CDH18: variants seen among roughly 807,000 people sequenced by gnomAD.
CDH18 encodes the protein cadherin-18.
Under a neutral mutation model 67.9 loss-of-function variants are expected in CDH18, and 31 were observed. The ratio of observed to expected loss-of-function variants is 0.46; its 90% CI spans 0.34 to 0.62. CDH18 has a LOEUF of 0.62. CDH18 is among the 20% of genes least tolerant of loss of function. The pLI is 0.01. For missense variants in CDH18, 890 were observed against 975.5 expected (o/e 0.91, Z 1.17); for synonymous variants, 362 against 347.2 (o/e 1.04, Z -0.48).
At chr5:19,541,679 T>C (rs944051761) in intron 9 of CDH18, among the ~76,000 whole-genome samples, 2 of 152,048 alleles carry the variant, frequency 1.3e-5, no homozygotes, top group African/African-American at 4.8e-5. Flanking sequence ...TATAAAACCA[T>C]CAGATCTCCT....
intron 1 of CDH18, among the ~76,000 whole-genome samples, chr5:20,567,397 C>G (rs1380798953): frequency 2.7e-5 from 4 of 150,770 alleles, no homozygotes; most frequent in African/African-American, 9.7e-5. Context: ...ATGACAGCTA[C>G]TTATTGAGAA....
At chr5:20,473,023 A>C (rs1752194274) in intron 1 of CDH18, among the ~76,000 whole-genome samples, 1 of 152,162 alleles carries the variant, frequency 6.6e-6, no homozygotes, top group South Asian at 2.1e-4. Flanking sequence ...AATCCATACA[A>C]TGGTTATGAG....
At chr5:20,288,322 G>A (rs1266992025) in intron 1 of CDH18, among the ~76,000 whole-genome samples, 1 of 151,618 alleles carries the variant, frequency 6.6e-6, no homozygotes, top group Non-Finnish European at 1.5e-5. Context: ...GGTGAGAAAG[G>A]TTTAGTTGGA....
chr5:19,740,227 T>C (rs115214774), intron 4 of CDH18, among the ~76,000 whole-genome samples: 2,285 of 151,402 alleles, frequency 0.015, 52 homozygotes, highest in African/African-American at 0.054. Flanking sequence ...TGGTATTTAA[T>C]GATAGGTATA....
chr5:20,148,115 A>G (rs142447553), intron 2 of CDH18, among the ~76,000 whole-genome samples: 1,749 of 150,428 alleles, frequency 0.012, 30 homozygotes, highest in African/African-American at 0.041. Context: ...TTTTTGAGAC[A>G]GAGTCTCGCT....
chr5:19,563,798 T>C (rs757173986), intron 8 of CDH18, among the ~76,000 whole-genome samples: 25 of 152,280 alleles, frequency 1.6e-4, no homozygotes, highest in Admixed American at 3.9e-4. Context: ...ATTAACACTA[T>C]ATTAATGAAT....
rs116141089 is a variant in CDH18 at position 20,365,819 on chromosome 5, T to C, written c.-579-110314A>G. ...TTTCATTTTTTATTTATCTGTCTTA[T>C]TAAAACTATACTTTGCTTTCTTCCA... On this transcript the variant is annotated intron_variant, in intron 1 of 14. Transcript: ENST00000507958. Among the ~76,000 whole-genome samples, 1,349 of 152,258 alleles carry C rather than the reference T, an allele frequency of 8.9e-3. 16 individuals carry two copies. The highest frequency in any genetic ancestry group is 0.041 in the South Asian group (198 of 4,830).
At chr5:20,055,987 TTCC>T (rs1741864780) in intron 2 of CDH18, among the ~76,000 whole-genome samples, 1 of 145,930 alleles carries the variant, frequency 6.9e-6, no homozygotes, top group Non-Finnish European at 1.5e-5. Context: ...TCCTTTTGGT[TTCC>T]TTTTTTTTTT....
At chr5:19,484,697 C>G (rs537742861) in intron 11 of CDH18, among the ~76,000 whole-genome samples, 1 of 152,210 alleles carries the variant, frequency 6.6e-6, no homozygotes, top group Non-Finnish European at 1.5e-5. Flanking sequence ...ACAACTTTAG[C>G]TCCAGAGCTT....
chr5:20,229,110 GGA>G (rs1741867564), intron 2 of CDH18, among the ~76,000 whole-genome samples: 1 of 151,998 alleles, frequency 6.6e-6, no homozygotes, highest in Non-Finnish European at 1.5e-5. Context: ...AGCAAAAATA[GGA>G]GAGAGAATAA....
intron 2 of CDH18, among the ~76,000 whole-genome samples, chr5:20,191,358 C>A (rs1468067473): frequency 6.6e-6 from 1 of 151,982 alleles, no homozygotes; most frequent in East Asian, 1.9e-4. Context: ...GACCTTTATG[C>A]CGATAAAATG....
chr5:20,391,197 T>A (rs1021101117), intron 1 of CDH18, among the ~76,000 whole-genome samples: 8 of 152,030 alleles, frequency 5.3e-5, no homozygotes, highest in Admixed American at 1.3e-4. Context: ...GTATATAACA[T>A]AAAGATATAT....
chr5:19,733,649 G>A (rs902977497), intron 4 of CDH18, among the ~76,000 whole-genome samples: 21 of 152,246 alleles, frequency 1.4e-4, no homozygotes, highest in Middle Eastern at 3.4e-3. Flanking sequence ...CAGCCGCCTC[G>A]TATGACAGAA....
chr5:19,804,026 C>G (rs1475167837), intron 3 of CDH18: 4 of 150,994 alleles, frequency 2.6e-5, no homozygotes, highest in African/African-American at 9.8e-5. Flanking sequence ...GAGGCTGAGG[C>G]AGGAGAATGG....
At chr5:20,245,308 A>G (rs1019791402) in intron 2 of CDH18, among the ~76,000 whole-genome samples, 2 of 152,154 alleles carry the variant, frequency 1.3e-5, no homozygotes, top group Admixed American at 6.6e-5. Context: ...AATCATTTTT[A>G]TATCCCCATA....
chr5:20,402,113 A>AT (rs1450668354), intron 1 of CDH18, among the ~76,000 whole-genome samples: 2 of 151,882 alleles, frequency 1.3e-5, no homozygotes, highest in Admixed American at 6.6e-5. Flanking sequence ...TGCCTAGAAG[A>AT]TTTTTTTCCC....
At chr5:19,920,906 C>CACACAT (rs1195906236) in intron 2 of CDH18, among the ~76,000 whole-genome samples, 1 of 151,716 alleles carries the variant, frequency 6.6e-6, no homozygotes, top group Non-Finnish European at 1.5e-5. Flanking sequence ...CACACACACA[C>CACACAT]ACACACACAC....
At chr5:20,514,651 T>C (rs1160495736) in intron 1 of CDH18, among the ~76,000 whole-genome samples, 3 of 152,060 alleles carry the variant, frequency 2.0e-5, no homozygotes, top group South Asian at 2.1e-4. Flanking sequence ...TGAGTGTTTT[T>C]AGCATAAGTT....
chr5:19,899,606 C>T (rs182922194), intron 2 of CDH18, among the ~76,000 whole-genome samples: 35 of 152,100 alleles, frequency 2.3e-4, no homozygotes, highest in African/African-American at 7.7e-4. Flanking sequence ...CATTTCTGGA[C>T]CACAAAACTG....
Sources: allele counts gnomAD v4.1 joint callset (sites outside exome capture counted in the v4.1 genomes callset), GRCh38; gene constraint gnomAD v4.1.1; transcripts MANE v1.5; gene names NCBI Gene and HGNC (gene_info 2026-07-23, HGNC 2026-07-21).